The following TUSC3 variants were observed in gnomAD, a reference collection of about 807,000 sequenced individuals.
TUSC3 encodes the protein dolichyl-diphosphooligosaccharide--protein glycosyltransferase subunit TUSC3.
TUSC3 carries 45 observed loss-of-function variants against 44.8 expected under a neutral mutation model. The observed-to-expected ratio is 1.00, with a 90% CI of 0.79 to 1.29. The LOEUF (loss-of-function observed/expected upper bound fraction) is 1.29. TUSC3 is among the 50% of genes most tolerant of loss of function. The pLI is 0.00. For missense variants in TUSC3, 519 were observed against 437.9 expected, an observed-to-expected ratio of 1.19 and a Z score of -1.65; for synonymous variants, 212 against 152.9, an observed-to-expected ratio of 1.39 and a Z score of -2.85.
intron 2 of TUSC3, among the ~76,000 whole-genome samples, chr8:15,513,335 C>T (rs1222641767): frequency 6.6e-6 from 1 of 151,852 alleles, no homozygotes; most frequent in African/African-American, 2.4e-5. Flanking sequence ...TTTAAATGAC[C>T]ATTAATGAGG....
chr8:15,490,025 A>C (rs779739269), intron 2 of TUSC3, among the ~76,000 whole-genome samples: 1 of 152,246 alleles, frequency 6.6e-6, no homozygotes, highest in Non-Finnish European at 1.5e-5. Flanking sequence ...TTACTAGGAC[A>C]TTCTAGCAGT....
At chr8:15,796,040 G>T in the TUSC3 span, among the ~76,000 whole-genome samples, 1 of 151,626 alleles carries the variant, frequency 6.6e-6, no homozygotes, top group Non-Finnish European at 1.5e-5. Context: ...AAACAATGTG[G>T]CCTTACCCTC....
chr8:15,636,564 G>A (rs1806085876), intron 2 of TUSC3, among the ~76,000 whole-genome samples: 1 of 152,210 alleles, frequency 6.6e-6, no homozygotes, highest in African/African-American at 2.4e-5. Context: ...GACAACTCAT[G>A]TTGCCGTAGG....
chr8:15,753,018 A>C (rs1191774463), intron 9 of TUSC3, among the ~76,000 whole-genome samples: 1 of 152,010 alleles, frequency 6.6e-6, no homozygotes, highest in African/African-American at 2.4e-5. Flanking sequence ...ACACTGACAA[A>C]ATCTACTTAT....
At chr8:15,570,500 G>A (rs74794087) in intron 1 of TUSC3, among the ~76,000 whole-genome samples, 3 of 151,830 alleles carry the variant, frequency 2.0e-5, no homozygotes, top group East Asian at 3.9e-4. Context: ...AGAAGAAATT[G>A]GAAATGACTT....
At chr8:15,555,139 CTTTTTTTT>C (rs60676527) in intron 1 of TUSC3, among the ~76,000 whole-genome samples, 21 of 93,554 alleles carry the variant, frequency 2.2e-4, no homozygotes, top group Admixed American at 4.1e-4. Context: ...TAATAGCAGT[CTTTTTTTT>C]TTTTTTTTTT....
intron 2 of TUSC3, among the ~76,000 whole-genome samples, chr8:15,492,283 C>G (rs960451407): frequency 6.6e-6 from 1 of 152,150 alleles, no homozygotes; most frequent in Non-Finnish European, 1.5e-5. Flanking sequence ...TCTTTAAAGT[C>G]TTTCCTGACT....
At chr8:15,779,637 A>G in the TUSC3 span, among the ~76,000 whole-genome samples, 13 of 152,356 alleles carry the variant, frequency 8.5e-5, no homozygotes, top group African/African-American at 3.1e-4. Flanking sequence ...GAGGAAGAGT[A>G]AAAATGTAAC....
intron 2 of TUSC3, among the ~76,000 whole-genome samples, chr8:15,494,780 T>C (rs1237376859): frequency 6.6e-6 from 1 of 152,220 alleles, no homozygotes; most frequent in East Asian, 1.9e-4. Context: ...AAATAGACAA[T>C]GCAGCCCTGC....
intron 1 of TUSC3, among the ~76,000 whole-genome samples, chr8:15,561,317 G>T (rs1221182380): frequency 6.8e-6 from 1 of 147,634 alleles, no homozygotes; most frequent in Non-Finnish European, 1.5e-5. Flanking sequence ...CGGCTGCTAG[G>T]AGGTCAGGGG....
intron 1 of TUSC3, among the ~76,000 whole-genome samples, chr8:15,556,862 T>G (rs1406324604): frequency 7.2e-6 from 1 of 139,806 alleles, no homozygotes; most frequent in Non-Finnish European, 1.6e-5. Flanking sequence ...TTTGTTTTTT[T>G]CTTGTAAATT....
At chr8:15,454,069 C>T (rs568615495) in intron 1 of TUSC3, among the ~76,000 whole-genome samples, 17 of 152,306 alleles carry the variant, frequency 1.1e-4, no homozygotes, top group African/African-American at 4.1e-4. Context: ...AGTAAATGCA[C>T]TATGCATGCT....
chr8:15,538,223 C>A (rs1370392428), upstream of TUSC3, among the ~76,000 whole-genome samples: 1 of 152,184 alleles, frequency 6.6e-6, no homozygotes, highest in African/African-American at 2.4e-5. Context: ...AATTTCCTTA[C>A]TTTGTTTTTA....
chr8:15,655,298 A>G (rs1807103530), intron 3 of TUSC3, among the ~76,000 whole-genome samples: 1 of 152,192 alleles, frequency 6.6e-6, no homozygotes, highest in Non-Finnish European at 1.5e-5. Flanking sequence ...AAGAGACAAA[A>G]TGGCGGTGTT....
At chr8:15,833,742 G>A in the TUSC3 span, among the ~76,000 whole-genome samples, 2 of 151,848 alleles carry the variant, frequency 1.3e-5, no homozygotes, top group Non-Finnish European at 2.9e-5. Flanking sequence ...ATGGGTACTA[G>A]GCTTAATACC....
intron 3 of TUSC3, among the ~76,000 whole-genome samples, chr8:15,654,622 C>A (rs1248116295): frequency 6.6e-6 from 1 of 151,654 alleles, no homozygotes; most frequent in Non-Finnish European, 1.5e-5. Context: ...GTGGTGAAAC[C>A]CCCATCTCTA....
the TUSC3 span, among the ~76,000 whole-genome samples, chr8:15,795,268 C>T: frequency 4.6e-5 from 7 of 152,132 alleles, no homozygotes; most frequent in African/African-American, 9.7e-5. Context: ...TTTGCAAAGA[C>T]CCTGCCTTGG....
the TUSC3 span, among the ~76,000 whole-genome samples, chr8:15,846,067 G>C: frequency 1.3e-5 from 2 of 152,062 alleles, no homozygotes; most frequent in Non-Finnish European, 1.5e-5. Context: ...ACTATCACAA[G>C]AATAGCACAG....
intron 1 of TUSC3, among the ~76,000 whole-genome samples, chr8:15,585,500 G>GT (rs559214866): frequency 7.6e-4 from 115 of 152,212 alleles, no homozygotes; most frequent in Non-Finnish European, 1.3e-3. Flanking sequence ...AGAGGGTTGT[G>GT]TTTTTTTACA....
Sources: gnomAD v4.1 joint callset for allele counts (sites outside exome capture counted in the v4.1 genomes callset) on GRCh38, gnomAD v4.1.1 for gene constraint, MANE v1.5 for transcripts, NCBI Gene and HGNC (gene_info 2026-07-23, HGNC 2026-07-21) for gene names.